TFDP1: variants seen among roughly 807,000 people sequenced by gnomAD.
TFDP1 encodes transcription factor Dp-1.
TFDP1 carries 6 observed loss-of-function variants against 48.0 expected under a neutral mutation model. The observed-to-expected ratio is 0.13, with a 90% CI of 0.07 to 0.25. The LOEUF (loss-of-function observed/expected upper bound fraction) is 0.25. TFDP1 is among the 10% of genes least tolerant of loss of function. TFDP1 has a pLI of 1.00. For synonymous variants in TFDP1, 201 were observed against 211.6 expected, an observed-to-expected ratio of 0.95 and a Z score of 0.44; for missense variants, 335 against 543.0, an observed-to-expected ratio of 0.62 and a Z score of 3.81.
chr13:113,590,669 A>G (rs1395023693), intron 2 of TFDP1, among the ~76,000 whole-genome samples: 1 of 151,670 alleles, frequency 6.6e-6, no homozygotes, highest in Non-Finnish European at 1.5e-5. Flanking sequence ...TTTTTTTTCT[A>G]CATAGGATGA....
At position 113,604,667 on chromosome 13, in the gene TFDP1, C is replaced by G. The variant is rs560887923; in HGVS notation, c.13-6329C>G. Among the ~76,000 whole-genome samples, 415 of 152,150 alleles carry G rather than the reference C, an allele frequency of 2.7e-3. 1 individual carries two copies. Among genetic ancestry groups the G allele is most frequent in the African/African-American group, 9.6e-3 (397 of 41,506 alleles). On this transcript the variant is annotated intron_variant, in intron 2 of 11. Coordinates refer to ENST00000375370, the MANE Select transcript of TFDP1 (RefSeq NM_007111.5). ...GACCTCGGCTGTCCTGTTAACAGGT[C>G]CCACTTAGCAGCCTCCGTTTACAGC...
chr13:113,639,961 G>T (rs898363338), intron 11 of TFDP1, among the ~76,000 whole-genome samples, 159 bp from the exon 12 acceptor site: 61 of 152,236 alleles, frequency 4.0e-4, no homozygotes, highest in African/African-American at 1.3e-3. Flanking sequence ...GAGCGTTGGC[G>T]TGCTGTAGTG....
rs1170379887 is a variant in TFDP1, at chr13:113,623,163, G to A, written c.80-17G>A. ...GAAAAGGAGTCTCGCCCTTGACCTG[G>A]TGTCCTTGTGTTGCAGGCGTGGTGT... is the stretch of plus-strand genomic sequence containing the variant. On this transcript the variant is annotated splice_polypyrimidine_tract_variant and intron_variant, in intron 3 of 11. Transcript: ENST00000375370. This position sits in a 1 kb window ranked among gnomAD's most constrained non-coding sequence, Gnocchi z 5.2. The A allele has an allele frequency of 6.2e-7, 1 of 1,608,366 alleles. No homozygotes were observed. The highest frequency in any genetic ancestry group is 1.1e-5 in the South Asian group (1 of 90,034).
intron 2 of TFDP1, among the ~76,000 whole-genome samples, chr13:113,605,624 G>A (rs904439910): frequency 6.6e-6 from 1 of 152,210 alleles, no homozygotes; most frequent in Non-Finnish European, 1.5e-5. Flanking sequence ...TCTCACCCTC[G>A]CAGCAGTAGC....
Position 113,597,850 on chromosome 13 carries a change from C to T in TFDP1, c.12+12001C>T, listed in dbSNP as rs575206316. Among the ~76,000 whole-genome samples, 31 of 152,284 alleles carry T rather than the reference C, an allele frequency of 2.0e-4. No individual in the cohort carries two copies. In the East Asian group the frequency reaches 3.7e-3, roughly 18 times the overall value. ...AGACACGCTGGGGACTCTGCGGCCTCTGTCTTTGCCCCAGTGTTGCACAGA... is the reference window on the plus strand; with the variant it reads ...AGACACGCTGGGGACTCTGCGGCCTTTGTCTTTGCCCCAGTGTTGCACAGA... On this transcript the variant is annotated intron_variant, in intron 2 of 11. Transcript: ENST00000375370.
In TFDP1 at chr13:113,601,728, T is replaced by C. The variant is rs183458032; in HGVS notation, c.13-9268T>C. Among the ~76,000 whole-genome samples the C allele has an allele frequency of 2.7e-4, 41 of 152,318 alleles. No homozygotes were observed. In the East Asian group the frequency reaches 7.7e-3, roughly 29 times the overall value. Reference sequence around the variant, plus strand: ...CTGTGGCCAGGTGCGCGGAAGGTGCTGGCTATTTGTGGTGGGCAACCCAAC... The same window carrying C: ...CTGTGGCCAGGTGCGCGGAAGGTGCCGGCTATTTGTGGTGGGCAACCCAAC... On this transcript the variant is annotated intron_variant, in intron 2 of 11. Transcript: ENST00000375370.
chr13:113,614,518 C>G (rs1182280797), intron 3 of TFDP1, among the ~76,000 whole-genome samples: 2 of 152,172 alleles, frequency 1.3e-5, no homozygotes, highest in Non-Finnish European at 2.9e-5. Context: ...TAGAGGCCTC[C>G]CTTGAGTCAG....
At chr13:113,585,188 G>C (rs1182619554) in intron 1 of TFDP1, 1 of 148,186 alleles carries the variant, frequency 6.7e-6, no homozygotes, top group Non-Finnish European at 1.5e-5. Flanking sequence ...GGCCAGGGTC[G>C]GCCGGAGCGC....
At chr13:113,589,481 G>A (rs564331713) in intron 2 of TFDP1, among the ~76,000 whole-genome samples, 71 of 152,290 alleles carry the variant, frequency 4.7e-4, no homozygotes, top group African/African-American at 1.6e-3. Context: ...ATAGCCTCAG[G>A]TGCAGTCCTG....
intron 4 of TFDP1, among the ~76,000 whole-genome samples, chr13:113,625,704 G>C (rs1473341966): frequency 1.4e-4 from 10 of 72,268 alleles, no homozygotes; most frequent in Admixed American, 5.1e-4. Context: ...GTGTCTCTCA[G>C]GCGTCTCTCA....
At chr13:113,594,350 C>T (rs1226065899) in intron 2 of TFDP1, among the ~76,000 whole-genome samples, 1 of 151,114 alleles carries the variant, frequency 6.6e-6, no homozygotes, top group Non-Finnish European at 1.5e-5. Context: ...TGCACGCGTC[C>T]TCAGCTATAC....
chr13:113,589,627 C>T (rs567074297), intron 2 of TFDP1, among the ~76,000 whole-genome samples: 1 of 152,214 alleles, frequency 6.6e-6, no homozygotes, highest in African/African-American at 2.4e-5. Context: ...GGCTCTGACC[C>T]GCAGATCTGT....
chr13:113,585,221 G>GC (rs1566627390), intron 1 of TFDP1: 1 of 149,140 alleles, frequency 6.7e-6, no homozygotes, highest in African/African-American at 2.4e-5. Flanking sequence ...AGGGGAGGCC[G>GC]CCCCACGGCG....
At chr13:113,599,255 T>G (rs2048354274) in intron 2 of TFDP1, among the ~76,000 whole-genome samples, 1 of 152,016 alleles carries the variant, frequency 6.6e-6, no homozygotes, top group Admixed American at 6.6e-5. Flanking sequence ...AGGAGAGAGA[T>G]TGTGCTGGTG....
At chr13:113,637,672 T>C in intron 10 of TFDP1, 146 bp from the exon 11 acceptor site, 1 of 1,548,266 alleles carries the variant, frequency 6.5e-7, no homozygotes, top group East Asian at 2.4e-5. Flanking sequence ...CGTGGCGCAG[T>C]GTGGAAAATA....
chr13:113,638,237 C>A (rs1385241653), intron 11 of TFDP1, among the ~76,000 whole-genome samples: 2 of 152,088 alleles, frequency 1.3e-5, no homozygotes, highest in Non-Finnish European at 2.9e-5. Flanking sequence ...TTTTTCAGAA[C>A]GCGTCTGCGG....
chr13:113,625,715 CATGTCTTCAGGCGTCTCT>C (rs2049143767), intron 4 of TFDP1, among the ~76,000 whole-genome samples: 1 of 57,574 alleles, frequency 1.7e-5, no homozygotes, highest in Non-Finnish European at 3.0e-5. Flanking sequence ...GCGTCTCTCA[CATGTCTTCAGGCGTCTCT>C]CACGTGTCCT....
rs182064361 is a variant in TFDP1, at chr13:113,592,692, C to T, written c.12+6843C>T. On this transcript the variant is annotated intron_variant, in intron 2 of 11. Transcript: ENST00000375370. The stretch of plus-strand genomic sequence containing the variant: ...GGGTCAGAAACCTGAATGGGTCAGC[C>T]CAGAATCCAGCATTGCCAACACATC... 1.3e-3 allele frequency among the ~76,000 whole-genome samples: 205 copies of T among 152,358 alleles called. 2 individuals carry two copies. Among genetic ancestry groups the T allele is most frequent in the African/African-American group, 4.7e-3 (197 of 41,582 alleles).
At position 113,634,551 on chromosome 13, in the gene TFDP1, A is replaced by G. The variant is rs1414149346; in HGVS notation, c.636A>G (p.Arg212=). 3 of 1,613,744 alleles carry G rather than the reference A, an allele frequency of 1.9e-6. No individual in the cohort carries two copies. Among genetic ancestry groups the G allele is most frequent in the Non-Finnish European group, 2.5e-6 (3 of 1,179,844 alleles). Residue 212 remains arginine, a synonymous_variant, in exon 8 of 12, where the codon AGA becomes AGG. Coordinates refer to ENST00000375370, the MANE Select transcript of TFDP1 (RefSeq NM_007111.5). Reference sequence around the variant, plus strand: ...TTTTGAAGGTGGAAAGACAGAGGAGACTTGAAAGAATAAAACAGAAACAGT... The same window carrying G: ...TTTTGAAGGTGGAAAGACAGAGGAGGCTTGAAAGAATAAAACAGAAACAGT... ...CQNLEVERQR[R]LERIKQKQSQ...
Sources: gnomAD v4.1 joint callset for allele counts (sites outside exome capture counted in the v4.1 genomes callset) on GRCh38, gnomAD v4.1.1 for gene constraint, Gnocchi (gnomAD v3.1) non-coding constraint, MANE v1.5 for transcripts, NCBI Gene and HGNC (gene_info 2026-07-23, HGNC 2026-07-21) for gene names.